The following RPL3 variants were observed in gnomAD, a reference collection of about 807,000 sequenced individuals.
RPL3 encodes large ribosomal subunit protein uL3.
In RPL3, 3 loss-of-function variants were observed where a neutral mutation model predicts 46.0. That is an observed-to-expected ratio of 0.07 (90% CI 0.03 to 0.17). The LOEUF (loss-of-function observed/expected upper bound fraction) is 0.17, where lower values mean the gene tolerates loss of function less well. Among genes scored for constraint, RPL3 ranks in the 10% least tolerant of loss-of-function variants. The pLI is 1.00. For synonymous variants in RPL3, 224 were observed against 190.8 expected, an observed-to-expected ratio of 1.17 and a Z score of -1.43; for missense variants, 387 against 532.7, an observed-to-expected ratio of 0.73 and a Z score of 2.69.
intron 1 of RPL3, chr22:39,319,217 G>C (rs1007250883): frequency 1.9e-6 from 1 of 520,200 alleles, no homozygotes; most frequent in Non-Finnish European, 3.7e-6. Context: ...CTCCCAATGA[G>C]AACGGCGCCG....
rs369906229 is a variant in RPL3, at chr22:39,316,878, T to G, written c.366-37A>C. 1.1e-5 allele frequency: 18 copies of G among 1,613,064 alleles called. No individual in the cohort carries two copies. In the African/African-American group the frequency reaches 2.3e-4, roughly 20 times the overall value. Reference sequence around the variant, plus strand: ...GAGCAGAGTTGGGGAGGGGACCAGGTGCAGGCCTTCATCACCCCTCCGAGG... The same window carrying G: ...GAGCAGAGTTGGGGAGGGGACCAGGGGCAGGCCTTCATCACCCCTCCGAGG... On this transcript the variant is annotated intron_variant, in intron 3 of 9. Coordinates refer to ENST00000216146, the MANE Select transcript of RPL3 (RefSeq NM_000967.4).
chr22:39,316,934 G>A (rs1922735346), intron 3 of RPL3, 93 bp from the exon 4 acceptor site: 1 of 1,593,022 alleles, frequency 6.3e-7, no homozygotes, highest in Non-Finnish European at 8.6e-7. Flanking sequence ...GCACCGCGTG[G>A]GGATGGAGCT....
intron 2 of RPL3, 67 bp downstream of exon 2, chr22:39,318,333 C>G: frequency 6.5e-7 from 1 of 1,550,302 alleles, no homozygotes. Flanking sequence ...AACAGCTTGA[C>G]TCCATCTCTA....
rs141236265 is a variant in RPL3 at position 39,312,960 on chromosome 22, C to T, written c.1192G>A (p.Ala398Thr). The change falls in exon 10 of 10, where the codon GCA becomes ACA. Residue 398 changes from alanine (A) to threonine (T), a missense_variant. Coordinates refer to ENST00000216146, the MANE Select transcript of RPL3 (RefSeq NM_000967.4). Reference sequence around the variant, plus strand: ...TGGCATTAAGCTCCTTCTTCCTTTGCAATTCGGTCTTTCTTCAGTGGTCCC... The same window carrying T: ...TGGCATTAAGCTCCTTCTTCCTTTGTAATTCGGTCTTTCTTCAGTGGTCCC... ...FMGPLKKDRIAKEEGA is the reference protein window; with the variant it reads ...FMGPLKKDRITKEEGA 5.4e-4 allele frequency: 869 copies of T among 1,614,174 alleles called. 6 individuals carry two copies. The East Asian group carries it at 8.4e-3, about 16-fold the overall frequency.
At position 39,314,730 on chromosome 22, in the gene RPL3, C is replaced by T. The variant is rs376713053; in HGVS notation, c.805G>A (p.Ala269Thr). 2 of 1,613,626 alleles carry T rather than the reference C, an allele frequency of 1.2e-6. No homozygotes were observed. The highest frequency in any genetic ancestry group is 1.7e-6 in the Non-Finnish European group (2 of 1,179,990). Reference protein sequence around the residue: ...PARVAFSVARAGQKGYHHRTE... With the variant: ...PARVAFSVARTGQKGYHHRTE... ...CGGTGATGGTAGCCTTTCTGCCCAG[C>T]GCGTGCCACAGAGAAGGCTACACGA... The change falls in exon 6 of 10, where the codon GCT (alanine) becomes ACT (threonine). Residue 269 changes from alanine (A) to threonine (T), a missense_variant. Ala to Thr is a moderately conservative substitution (Grantham distance 58). Coordinates refer to ENST00000216146, the MANE Select transcript of RPL3 (RefSeq NM_000967.4).
chr22:39,318,511 C>A lies in RPL3; in HGVS notation c.85G>T (p.Val29Leu). 1 of 1,613,862 alleles carries A rather than the reference C, an allele frequency of 6.2e-7. No homozygotes were observed. Among genetic ancestry groups the A allele is most frequent in the East Asian group, 2.2e-5 (1 of 44,892 alleles). ...RKRSSRHRGK[V>L]KSFPKDDPSK... ...GGGTCATCCTTAGGGAAGCTCTTCA[C>A]CTTCCCACGATGCCTGCTGCTGCGC... Residue 29 changes from valine to leucine, a missense_variant, in exon 2 of 10, where the codon GTG (valine) becomes TTG (leucine). Val to Leu is a conservative substitution (Grantham distance 32, BLOSUM62 1). Coordinates refer to ENST00000216146, the MANE Select transcript of RPL3 (RefSeq NM_000967.4).
chr22:39,316,775 C>T lies in RPL3; in HGVS notation c.432G>A (p.Lys144=), dbSNP rs1922722912. ...TGCTGCTGAAGTCCTTCTCCAGCTGCTTCTTGCCATCCTCATCCTGCCATT... is the reference window on the plus strand; with the variant it reads ...TGCTGCTGAAGTCCTTCTCCAGCTGTTTCTTGCCATCCTCATCCTGCCATT... ...CKKWQDEDGK[K]QLEKDFSSMK... is the part of the protein sequence containing the mutation. Residue 144 remains lysine (K), a synonymous_variant, in exon 4 of 10, where the codon AAG becomes AAA. Coordinates refer to ENST00000216146, the MANE Select transcript of RPL3 (RefSeq NM_000967.4). 6.2e-7 allele frequency: 1 copy of T among 1,613,946 alleles called. No individual in the cohort carries two copies. Among genetic ancestry groups the T allele is most frequent in the Non-Finnish European group, 8.5e-7 (1 of 1,179,948 alleles).
At chr22:39,319,486 C>A in intron 1 of RPL3, 109 bp downstream of exon 1, 1 of 1,458,436 alleles carries the variant, frequency 6.9e-7, no homozygotes, top group South Asian at 1.2e-5. Context: ...TCGCCCGTGC[C>A]CCTAAAGCAA....
Position 39,317,604 on chromosome 22 carries a change from C to T in RPL3, c.222G>A (p.Glu74=). Residue 74 remains glutamate, a synonymous_variant, in exon 3 of 10, where the codon GAG becomes GAA. Coordinates refer to ENST00000216146, the MANE Select transcript of RPL3 (RefSeq NM_000967.4). ...GSKVNKKEVV[E]AVTIVETPPM... ...GTGGTGTCTCTACAATGGTCACAGC[C>T]TCCACCACCTCCTTCTTGTTCACCT... 1 of 1,613,894 alleles carries T rather than the reference C, an allele frequency of 6.2e-7. No individual in the cohort carries two copies. Among genetic ancestry groups the T allele is most frequent in the East Asian group, 2.2e-5 (1 of 44,886 alleles).
intron 5 of RPL3, 116 bp downstream of exon 5, chr22:39,315,253 T>C (rs2092991712): frequency 2.9e-6 from 4 of 1,378,702 alleles, no homozygotes; most frequent in African/African-American, 1.4e-5. Flanking sequence ...GGTTCTACAC[T>C]GTCCGATTCG....
chr22:39,316,555 T>A, intron 4 of RPL3, 151 bp downstream of exon 4: 1 of 946,902 alleles, frequency 1.1e-6, no homozygotes, highest in Non-Finnish European at 1.6e-6. Context: ...TAAAGGGGAA[T>A]GGTTCCCTTG....
chr22:39,317,722 A>G, intron 2 of RPL3, 93 bp from the exon 3 acceptor site: 2 of 1,454,216 alleles, frequency 1.4e-6, no homozygotes, highest in Non-Finnish European at 1.9e-6. Context: ...TTTAGGCCGG[A>G]AGGGCAACTG....
At chr22:39,313,580 C>T in intron 8 of RPL3, 54 bp downstream of exon 8, 1 of 1,557,488 alleles carries the variant, frequency 6.4e-7, no homozygotes. Flanking sequence ...CGTCTGTGGC[C>T]TTGGATCCTC....
Position 39,315,091 on chromosome 22 carries a change from AC to A in RPL3, c.689-246del. ...TAAGCTCCCCCATTCACAGGGACTG[AC>A]TAACATAATTCCAAGCTCCCCTTTG... is the stretch of plus-strand genomic sequence containing the variant. On this transcript the variant is annotated intron_variant, in intron 5 of 9. Transcript: ENST00000216146. The A allele has an allele frequency of 1.8e-5, 13 of 719,038 alleles. No homozygotes were observed. In the South Asian group the frequency reaches 1.9e-4, roughly 11 times the overall value. 44.5% of individuals were successfully genotyped at this position (719,038 alleles called of 1,614,324 possible). A position where few individuals can be genotyped will look rare whatever the true frequency, so the allele number is the denominator to read the frequency against.
At position 39,313,828 on chromosome 22, in the gene RPL3, AGAAG is replaced by A. The variant is rs1478667213; in HGVS notation, c.952-103_952-100del. The A allele has an allele frequency of 6.2e-6, 7 of 1,123,228 alleles. No homozygotes were observed. The Admixed American group carries it at 1.2e-4, about 19-fold the overall frequency. The allele number at this position is 1,123,228 out of a possible 1,614,324, so 69.6% of individuals were successfully genotyped here. ...CCTCCCTGACCACAGGGCTGTTCTC[AGAAG>A]GAAGGCAACAAGGAACGGTTCCGCA... is the stretch of plus-strand genomic sequence containing the variant. On this transcript the variant is annotated intron_variant, in intron 7 of 9. Transcript: ENST00000216146.
intron 2 of RPL3, chr22:39,318,188 C>A (rs569286745): frequency 1.3e-5 from 7 of 555,040 alleles, no homozygotes; most frequent in Admixed American, 7.5e-5. Context: ...TACCCCACAC[C>A]GCACCTAAAG....
intron 3 of RPL3, 149 bp from the exon 4 acceptor site, chr22:39,316,990 G>A (rs780097226): frequency 8.3e-7 from 1 of 1,207,830 alleles, no homozygotes; most frequent in Admixed American, 1.9e-5. Context: ...AGCGGAGCCT[G>A]GATGGAGCTC....
In RPL3 at chr22:39,313,905, G is replaced by A. The variant is rs767169869; in HGVS notation, c.952-176C>T. Reference sequence around the variant, plus strand: ...AGCGCACATTCCAGGCCTCATCACTGAACAGCTGAGCCTGAGACCCCACTT... The same window carrying A: ...AGCGCACATTCCAGGCCTCATCACTAAACAGCTGAGCCTGAGACCCCACTT... On this transcript the variant is annotated intron_variant, in intron 7 of 9. Coordinates refer to ENST00000216146, the MANE Select transcript of RPL3 (RefSeq NM_000967.4). 1.1e-5 allele frequency: 9 copies of A among 840,536 alleles called. No individual in the cohort carries two copies. The African/African-American group carries it at 1.5e-4, about 14-fold the overall frequency. 52.1% of individuals were successfully genotyped at this position (840,536 alleles called of 1,614,324 possible).
chr22:39,318,173 A>G (rs1922820813), intron 2 of RPL3: 4 of 526,362 alleles, frequency 7.6e-6, no homozygotes, highest in Middle Eastern at 4.2e-4. Context: ...ATGCTCTGAA[A>G]TCAATACCCC....
Sources: gnomAD v4.1 joint callset for allele counts on GRCh38, gnomAD v4.1.1 for gene constraint, MANE v1.5 for transcripts, NCBI Gene and HGNC (gene_info 2026-07-23, HGNC 2026-07-21) for gene names.